The following PNN variants were observed in gnomAD, a reference collection of about 807,000 sequenced individuals.
PNN encodes pinin.
Under a neutral mutation model 76.6 loss-of-function variants are expected in PNN, and 38 were observed. That is an observed-to-expected ratio of 0.50 (90% CI 0.38 to 0.65). The LOEUF (loss-of-function observed/expected upper bound fraction) is 0.65, where lower values mean the gene tolerates loss of function less well. Among genes scored for constraint, PNN ranks in the 30% least tolerant of loss-of-function variants. The pLI is 0.00. For missense variants in PNN, 873 were observed against 874.1 expected (o/e 1.00, Z 0.02); for synonymous variants, 366 against 283.7 (o/e 1.29, Z -2.91).
chr14:39,176,404 A>T, intron 2 of PNN, 123 bp from the exon 3 acceptor site: 1 of 725,000 alleles, frequency 1.4e-6, no homozygotes, highest in Non-Finnish European at 2.3e-6. Context: ...TTTGGAATGA[A>T]TGCCCGTTTA....
intron 2 of PNN, 151 bp downstream of exon 2, chr14:39,176,300 T>C: frequency 1.6e-6 from 1 of 636,612 alleles, no homozygotes; most frequent in East Asian, 2.8e-5. Flanking sequence ...TCTGTATAAA[T>C]ATAGTTATCC....
Position 39,181,795 on chromosome 14 carries a change from C to A in PNN, c.2086C>A (p.Arg696=). 1.2e-6 allele frequency: 2 copies of A among 1,612,970 alleles called. No individual in the cohort carries two copies. The highest frequency in any genetic ancestry group is 1.3e-5 in the African/African-American group (1 of 74,896). Reference sequence around the variant, plus strand: ...AAAGAGGTCTATATCAGAGAGTAGTCGATCAGGCAAAAGATCTTCAAGAAG... The same window carrying A: ...AAAGAGGTCTATATCAGAGAGTAGTAGATCAGGCAAAAGATCTTCAAGAAG... The part of the protein sequence containing the change: ...DRKRSISESS[R]SGKRSSRSER... The change falls in exon 9 of 9, where the codon CGA becomes AGA. Residue 696 remains arginine, a synonymous_variant. Coordinates refer to ENST00000216832, the MANE Select transcript of PNN (RefSeq NM_002687.4).
Position 39,177,637 on chromosome 14 carries a change from A to G in PNN, c.372A>G (p.Thr124=), listed in dbSNP as rs2053238861. The G allele has an allele frequency of 6.2e-7, 1 of 1,614,062 alleles. No individual in the cohort carries two copies. Among genetic ancestry groups the G allele is most frequent in the Non-Finnish European group, 8.5e-7 (1 of 1,179,886 alleles). ...TTGTAGCTACCTCCAAAGAGCGCAC[A>G]CGTAGAGACCTTATCCAGGATCAAA... ...SSVVATSKER[T]RRDLIQDQNM... The change falls in exon 5 of 9, where the codon ACA becomes ACG. Residue 124 remains threonine, a synonymous_variant. Coordinates refer to ENST00000216832, the MANE Select transcript of PNN (RefSeq NM_002687.4).
At chr14:39,179,026 C>A in intron 6 of PNN, 65 bp from the exon 7 acceptor site, 1 of 1,433,450 alleles carries the variant, frequency 7.0e-7, no homozygotes, top group Non-Finnish European at 9.6e-7. Context: ...GAACTGAAAT[C>A]ATATATACCT....
rs1594557354 is a variant in PNN, at chr14:39,181,172, C to T, written c.1463C>T (p.Ser488Phe). The change falls in exon 9 of 9, where the codon TCC becomes TTC. Residue 488 changes from serine (S) to phenylalanine (F), a missense_variant. Ser to Phe is a radical substitution (Grantham distance 155, BLOSUM62 -2). Transcript: ENST00000216832. ...TCTCAGCCCCAGCTTCAGCTTCAATCCCAGTCCCAACCAGTACTCCAGTCC... is the reference window on the plus strand; with the variant it reads ...TCTCAGCCCCAGCTTCAGCTTCAATTCCAGTCCCAACCAGTACTCCAGTCC... ...PQSQPQLQLQSQSQPVLQSQP... is the reference protein window; with the variant it reads ...PQSQPQLQLQFQSQPVLQSQP... 2 of 1,606,726 alleles carry T rather than the reference C, an allele frequency of 1.2e-6. No individual in the cohort carries two copies.
At chr14:39,177,781 AT>A in intron 5 of PNN, 59 bp from the exon 6 acceptor site, 1 of 1,467,826 alleles carries the variant, frequency 6.8e-7, no homozygotes, top group Non-Finnish European at 9.6e-7. Context: ...TTCTTAGAAA[AT>A]GATGGGTTTA....
Position 39,175,728 on chromosome 14 carries a change from C to T in PNN, c.113+336C>T, listed in dbSNP as rs186691281. The T allele has an allele frequency of 2.9e-4, 133 of 462,954 alleles. 1 individual carries two copies. The highest frequency in any genetic ancestry group is 2.4e-3 in the African/African-American group (117 of 48,944). The allele number at this position is 462,954 out of a possible 1,614,324, so 28.7% of individuals were successfully genotyped here. ...GCCCCTTCCCGCTCCGGCGGACACC[C>T]GGCCCGTTGCTGGCCCCGAGACCCT... On this transcript the variant is annotated intron_variant, in intron 1 of 8. Coordinates refer to ENST00000216832, the MANE Select transcript of PNN (RefSeq NM_002687.4).
In PNN at chr14:39,182,733, GAT is replaced by G. The variant is rs1377298580; in HGVS notation, c.*873_*874del. On this transcript the variant is annotated 3_prime_UTR_variant, in exon 9 of 9. Coordinates refer to ENST00000216832, the MANE Select transcript of PNN (RefSeq NM_002687.4). Reference sequence around the variant, plus strand: ...GTGTTGGCTCTAACTTAAACATGCTGATATGTGTTTTCAAGAATTTTGTTTAA... The same window carrying G: ...GTGTTGGCTCTAACTTAAACATGCTGATGTGTTTTCAAGAATTTTGTTTAA... The G allele has an allele frequency of 6.6e-6, 1 of 152,630 alleles. No homozygotes were observed. Among genetic ancestry groups the G allele is most frequent in the Non-Finnish European group, 1.5e-5 (1 of 68,030 alleles). 9.5% of individuals were successfully genotyped at this position (152,630 alleles called of 1,614,324 possible).
rs767384547 is a variant in PNN, at chr14:39,181,910, C to A, written c.*47C>A. 6.6e-7 allele frequency: 1 copy of A among 1,510,190 alleles called. No individual in the cohort carries two copies. The highest frequency in any genetic ancestry group is 8.8e-7 in the Non-Finnish European group (1 of 1,137,446). The allele number at this position is 1,510,190 out of a possible 1,614,324, so 93.5% of individuals were successfully genotyped here. On this transcript the variant is annotated 3_prime_UTR_variant, in exon 9 of 9. Transcript: ENST00000216832. Reference sequence around the variant, plus strand: ...AGCCATTCTTTGCAGCAGAAGATTTCTTGATAAAAAAGGATTACCTTTCCT... The same window carrying A: ...AGCCATTCTTTGCAGCAGAAGATTTATTGATAAAAAAGGATTACCTTTCCT...
chr14:39,179,595 GATA>G (rs2053254977), intron 8 of PNN, 133 bp downstream of exon 8: 9 of 801,182 alleles, frequency 1.1e-5, no homozygotes, highest in African/African-American at 1.8e-5. Flanking sequence ...TTTTAAATAA[GATA>G]ATAAGATATT....
chr14:39,179,318 C>T lies in PNN; in HGVS notation c.655-6C>T, dbSNP rs2053252767. ...CAAAAGCACTGACCCTTTACCTTTT[C>T]TTTAGCAAGAAGAATGGAATGAACA... On this transcript the variant is annotated splice_region_variant and splice_polypyrimidine_tract_variant and intron_variant, in intron 7 of 8. Transcript: ENST00000216832. The T allele has an allele frequency of 1.2e-6, 2 of 1,608,530 alleles. No homozygotes were observed. The highest frequency in any genetic ancestry group is 1.7e-4 in the Middle Eastern group (1 of 6,012).
At chr14:39,177,514 G>A in intron 4 of PNN, 30 bp downstream of exon 4, 1 of 1,599,068 alleles carries the variant, frequency 6.3e-7, no homozygotes, top group Non-Finnish European at 8.6e-7. Flanking sequence ...TTAAATGAAT[G>A]TAGTACCTTC....
rs1056161860 is a variant in PNN at position 39,183,036 on chromosome 14, T to G, written c.*1173T>G. On this transcript the variant is annotated 3_prime_UTR_variant, in exon 9 of 9. Transcript: ENST00000216832. ...CTTCTTTGAGTTTAACACTGTAGCTTTAGCCTTGACTTTGAATATTCATTT... is the reference window on the plus strand; with the variant it reads ...CTTCTTTGAGTTTAACACTGTAGCTGTAGCCTTGACTTTGAATATTCATTT... 6.6e-6 allele frequency: 1 copy of G among 152,668 alleles called. No homozygotes were observed. The highest frequency in any genetic ancestry group is 2.4e-5 in the African/African-American group (1 of 41,462). 9.5% of individuals were successfully genotyped at this position (152,668 alleles called of 1,614,324 possible). A position where few individuals can be genotyped will look rare whatever the true frequency, so the allele number is the denominator to read the frequency against.
At chr14:39,179,552 T>G in intron 8 of PNN, 90 bp downstream of exon 8, 1 of 1,133,326 alleles carries the variant, frequency 8.8e-7, no homozygotes, top group Non-Finnish European at 1.2e-6. Flanking sequence ...ATAATTATGA[T>G]TCAGTGATTG....
chr14:39,180,488 AT>A lies in PNN; in HGVS notation c.794-10del. 6.5e-7 allele frequency: 1 copy of A among 1,529,080 alleles called. No homozygotes were observed. The highest frequency in any genetic ancestry group is 8.8e-7 in the Non-Finnish European group (1 of 1,141,520). The allele number at this position is 1,529,080 out of a possible 1,614,324, so 94.7% of individuals were successfully genotyped here. A position where few individuals can be genotyped will look rare whatever the true frequency, so the allele number is the denominator to read the frequency against. On this transcript the variant is annotated splice_polypyrimidine_tract_variant and intron_variant, in intron 8 of 8. Coordinates refer to ENST00000216832, the MANE Select transcript of PNN (RefSeq NM_002687.4). Reference sequence around the variant, plus strand: ...TAATCGGTAAATTTTACACATGTAAATTTTTATTCTTTAGCTTTATTTGAAG... The same window carrying A: ...TAATCGGTAAATTTTACACATGTAAATTTTATTCTTTAGCTTTATTTGAAG...
At position 39,176,095 on chromosome 14, in the gene PNN, T is replaced by G; in HGVS notation, c.131T>G (p.Leu44Trp). ...PNDVRPIQARLLALSGPGGGR... is the reference protein window; with the variant it reads ...PNDVRPIQARWLALSGPGGGR... ...TTTTACAGGCCCATCCAAGCCAGATTGCTGGCCCTTTCTGGTCCTGGTGGA... is the reference window on the plus strand; with the variant it reads ...TTTTACAGGCCCATCCAAGCCAGATGGCTGGCCCTTTCTGGTCCTGGTGGA... The change falls in exon 2 of 9, where the codon TTG becomes TGG. Residue 44 changes from leucine to tryptophan, a missense_variant. This residue lies in a region of PNN where 156 missense variants were observed against 161.7 expected (regional missense o/e 0.96). Transcript: ENST00000216832. 3 of 1,607,806 alleles carry G rather than the reference T, an allele frequency of 1.9e-6. No homozygotes were observed. Among genetic ancestry groups the G allele is most frequent in the Non-Finnish European group, 2.6e-6 (3 of 1,174,182 alleles).
chr14:39,180,749 G>T lies in PNN; in HGVS notation c.1040G>T (p.Ser347Ile), dbSNP rs772841664. 8.8e-6 allele frequency: 14 copies of T among 1,598,562 alleles called. No individual in the cohort carries two copies. In the African/African-American group the frequency reaches 1.7e-4, roughly 20 times the overall value. Residue 347 changes from serine (S) to isoleucine (I), a missense_variant, in exon 9 of 9, where the codon AGT becomes ATT. This residue lies in a region of PNN where 712 missense variants were observed against 693.1 expected (regional missense o/e 1.03). Coordinates refer to ENST00000216832, the MANE Select transcript of PNN (RefSeq NM_002687.4). The part of the protein sequence containing the change: ...EEEKEIAIVH[S>I]DAEKEQEEEE... ...GAAAAGGAAATAGCGATTGTTCATA[G>T]TGATGCAGAGAAAGAACAGGAGGAG...
rs1450494652 is a variant in PNN, at chr14:39,180,837, G to A, written c.1128G>A (p.Glu376=). ...AGGAAACTGAGGTAAGGGAAAGTGAGAAGCAGCAGGATAGTCAGCCTGAAG... is the reference window on the plus strand; with the variant it reads ...AGGAAACTGAGGTAAGGGAAAGTGAAAAGCAGCAGGATAGTCAGCCTGAAG... The part of the protein sequence containing the change: ...MEEETEVRES[E]KQQDSQPEEV... Residue 376 remains glutamate (E), a synonymous_variant, in exon 9 of 9, where the codon GAG becomes GAA. Coordinates refer to ENST00000216832, the MANE Select transcript of PNN (RefSeq NM_002687.4). 1 of 1,614,130 alleles carries A rather than the reference G, an allele frequency of 6.2e-7. No homozygotes were observed. Among genetic ancestry groups the A allele is most frequent in the African/African-American group, 1.3e-5 (1 of 75,046 alleles).
intron 1 of PNN, chr14:39,175,846 ATG>A: frequency 1.9e-6 from 1 of 524,346 alleles, no homozygotes; most frequent in South Asian, 2.3e-5. Context: ...AGGCTTGTTA[ATG>A]TGTGGGGGCA....
Sources: gnomAD v4.1 joint callset for allele counts on GRCh38, gnomAD v4.1.1 for gene constraint, gnomAD v4.1.1 regional missense constraint, MANE v1.5 for transcripts, NCBI Gene and HGNC (gene_info 2026-07-23, HGNC 2026-07-21) for gene names.